The following RSRP1 variants were observed in gnomAD, a reference collection of about 807,000 sequenced individuals.
RSRP1 encodes arginine and serine rich protein 1.
A neutral mutation model predicts 33.0 loss-of-function variants in RSRP1; 37 were observed. The ratio of observed to expected loss-of-function variants is 1.12; its 90% confidence interval spans 0.86 to 1.48. The LOEUF is 1.48. Ranked by LOEUF, RSRP1 falls within the 40% of genes most tolerant of loss-of-function variation. The pLI, the probability that RSRP1 is intolerant of heterozygous loss-of-function variation, is 0.00. For missense variants in RSRP1, 402 were observed against 385.3 expected (o/e 1.04, Z -0.36); for synonymous variants, 167 against 158.7 (o/e 1.05, Z -0.40).
Position 25,286,307 on chromosome 1 carries a change from A to G in RSRP1, c.-66-39278T>C, listed in dbSNP as rs960631203. 7.4e-5 allele frequency among the ~76,000 whole-genome samples: 10 copies of G among 135,552 alleles called. 1 individual carries two copies. The highest frequency in any genetic ancestry group is 2.3e-4 in the African/African-American group (9 of 39,414). The allele number at this position is 135,552 out of a possible 152,430, so 88.9% of individuals were successfully genotyped here. ...AGTTTAAGACCAGCCTGACTAACAC[A>G]GTGAGATCCTGTCTCTGCAGAAAAT... On this transcript the variant is annotated intron_variant, in intron 1 of 1. Transcript: ENST00000561867.
intron 1 of RSRP1, among the ~76,000 whole-genome samples, chr1:25,315,879 T>A (rs1367631162): frequency 7.6e-6 from 1 of 131,576 alleles, no homozygotes; most frequent in Non-Finnish European, 1.8e-5. Flanking sequence ...ACTGTCATTA[T>A]TTCTCCCACT....
intron 1 of RSRP1, among the ~76,000 whole-genome samples, chr1:25,302,189 A>G (rs1290142694): frequency 1.5e-5 from 2 of 131,420 alleles, no homozygotes; most frequent in African/African-American, 5.3e-5. Context: ...GTGCATGTAA[A>G]GTGCTTAACG....
chr1:25,280,723 T>C (rs138442239), intron 1 of RSRP1, among the ~76,000 whole-genome samples: 1,451 of 126,378 alleles, frequency 0.011, 181 homozygotes, highest in African/African-American at 0.036. Context: ...GCCATCCTCC[T>C]ACCTCACCCT....
rs150059028 is a variant in RSRP1, at chr1:25,321,930, G to A, written c.-67+16048C>T. The A allele has an allele frequency of 5.4e-3, 7,260 of 1,338,228 alleles. 1,863 individuals are homozygous for A. The highest frequency in any genetic ancestry group is 0.017 in the Middle Eastern group (92 of 5,420). 82.9% of individuals were successfully genotyped at this position (1,338,228 alleles called of 1,614,324 possible). A position where few individuals can be genotyped will look rare whatever the true frequency, so the allele number is the denominator to read the frequency against. ...TAAAATATGGAAAGCACCTCATGAGGCTAAATATTTTGATGACCAAGTTTT... is the reference window on the plus strand; with the variant it reads ...TAAAATATGGAAAGCACCTCATGAGACTAAATATTTTGATGACCAAGTTTT... On this transcript the variant is annotated intron_variant, in intron 1 of 1. Coordinates refer to the RSRP1 transcript ENST00000561867.
chr1:25,275,859 G>A (rs1640914257), intron 1 of RSRP1, among the ~76,000 whole-genome samples: 2 of 132,040 alleles, frequency 1.5e-5, no homozygotes, highest in South Asian at 2.3e-4. Flanking sequence ...GAATGTGACT[G>A]ACAGCTTGTA....
intron 1 of RSRP1, chr1:25,330,314 A>C (rs2124196028): frequency 7.5e-6 from 1 of 133,194 alleles, no homozygotes; most frequent in South Asian, 2.3e-4. Context: ...TTAGTCACTG[A>C]ACATAGCTAT....
intron 3 of RSRP1, 64 bp downstream of exon 3, chr1:25,245,086 T>C (rs1639237881): frequency 6.2e-7 from 1 of 1,613,596 alleles, no homozygotes; most frequent in Non-Finnish European, 8.5e-7. Flanking sequence ...AAGATATAAG[T>C]GGCTAATCAG....
intron 3 of RSRP1, chr1:25,244,848 TA>T: frequency 9.7e-7 from 1 of 1,026,308 alleles, no homozygotes; most frequent in Non-Finnish European, 1.3e-6. Flanking sequence ...CATGCCTGGC[TA>T]ATTTTTGTAT....
At chr1:25,312,574 T>C (rs1366827861) in intron 1 of RSRP1, among the ~76,000 whole-genome samples, 1 of 129,148 alleles carries the variant, frequency 7.7e-6, no homozygotes, top group Non-Finnish European at 1.8e-5. Flanking sequence ...GTGAGACCTG[T>C]CTCTACAAAA....
Position 25,295,855 on chromosome 1 carries a change from T to TTTG in RSRP1, c.-67+42122_-67+42123insCAA, listed in dbSNP as rs1390426209. On this transcript the variant is annotated intron_variant, in intron 1 of 1. Transcript: ENST00000561867. ...TCTGGGAGGGAATATGGGAAATTTTTTTTTTTTTTTTTTTTTTTTTTTTTG... is the reference window on the plus strand; with the variant it reads ...TCTGGGAGGGAATATGGGAAATTTTTTTGTTTTTTTTTTTTTTTTTTTTTTTTG... Among the ~76,000 whole-genome samples, 7 of 41,606 alleles carry TTTG rather than the reference T, an allele frequency of 1.7e-4. 3 individuals carry two copies. The highest frequency in any genetic ancestry group is 4.1e-4 in the Admixed American group (2 of 4,912). The allele number at this position is 41,606 out of a possible 152,430, so 27.3% of individuals were successfully genotyped here.
chr1:25,258,913 G>A (rs1251969231), intron 1 of RSRP1, among the ~76,000 whole-genome samples: 7 of 152,178 alleles, frequency 4.6e-5, no homozygotes, highest in African/African-American at 1.4e-4. Context: ...TGGAGTCAGA[G>A]AAAATGGAGT....
intron 1 of RSRP1, chr1:25,272,380 C>G (rs1640555384): frequency 2.1e-6 from 2 of 953,060 alleles, no homozygotes; most frequent in East Asian, 5.1e-5. Context: ...CATAGTCCCT[C>G]TGCTTCCGTG....
In RSRP1 at chr1:25,264,395, T is replaced by C. The variant is rs1571546032; in HGVS notation, c.-66-17366A>G. Among the ~76,000 whole-genome samples the C allele has an allele frequency of 2.0e-5, 3 of 151,714 alleles. No individual in the cohort carries two copies. In the East Asian group the frequency reaches 5.9e-4, roughly 30 times the overall value. ...ACCCCAATTCTTGACTTCTGTGCAC[T>C]CGCAGTCTCAACACCACATGGAAGC... On this transcript the variant is annotated intron_variant, in intron 1 of 1. Coordinates refer to the RSRP1 transcript ENST00000561867.
In RSRP1 at chr1:25,284,464, C is replaced by T. The variant is rs1163866083; in HGVS notation, c.-66-37435G>A. 2.2e-5 allele frequency: 23 copies of T among 1,060,924 alleles called. 3 individuals carry two copies. Among genetic ancestry groups the T allele is most frequent in the South Asian group, 3.9e-5 (3 of 76,268 alleles). The allele number at this position is 1,060,924 out of a possible 1,614,324, so 65.7% of individuals were successfully genotyped here. ...AGTAACTTGACCAAATACTTGTAAA[C>T]GATCTTGCATGCCCCTTCCAGCTGC... On this transcript the variant is annotated intron_variant, in intron 1 of 1. Transcript: ENST00000561867.
intron 1 of RSRP1, among the ~76,000 whole-genome samples, chr1:25,274,998 GA>G (rs1476457925): frequency 7.6e-6 from 1 of 131,130 alleles, no homozygotes; most frequent in African/African-American, 2.6e-5. Context: ...AAACAAAGAG[GA>G]GAGCAGGGAC....
At chr1:25,243,675 C>G in intron 3 of RSRP1, 42 bp from the exon 4 acceptor site, 4 of 1,605,780 alleles carry the variant, frequency 2.5e-6, no homozygotes, top group Non-Finnish European at 3.4e-6. Context: ...AACACATACC[C>G]TTGGTTTCTA....
chr1:25,253,400 T>A (rs1639850615), intron 1 of RSRP1: 1 of 152,690 alleles, frequency 6.5e-6, no homozygotes, highest in African/African-American at 2.4e-5. Context: ...GAGATGGAGT[T>A]TCGCTCTTAT....
Position 25,306,640 on chromosome 1 carries a change from G to C in RSRP1, c.-67+31338C>G. The C allele has an allele frequency of 1.5e-6, 2 of 1,378,368 alleles. 1 individual carries two copies. The highest frequency in any genetic ancestry group is 2.0e-6 in the Non-Finnish European group (2 of 978,808). The allele number at this position is 1,378,368 out of a possible 1,614,324, so 85.4% of individuals were successfully genotyped here. A position where few individuals can be genotyped will look rare whatever the true frequency, so the allele number is the denominator to read the frequency against. On this transcript the variant is annotated intron_variant, in intron 1 of 1. Transcript: ENST00000561867. Reference sequence around the variant, plus strand: ...TGGGGATTCCCCACAGCTCCATCATGGGCTACAACTTCAGCTTGCTGGGTC... The same window carrying C: ...TGGGGATTCCCCACAGCTCCATCATCGGCTACAACTTCAGCTTGCTGGGTC...
intron 2 of RSRP1, chr1:25,246,117 C>T: frequency 7.1e-6 from 2 of 283,608 alleles, no homozygotes; most frequent in Non-Finnish European, 1.3e-5. Flanking sequence ...TAAAAGAAGG[C>T]GTGTTTTGAT....
Sources: gnomAD v4.1 joint callset for allele counts (sites outside exome capture counted in the v4.1 genomes callset) on GRCh38, gnomAD v4.1.1 for gene constraint, MANE v1.5 for transcripts, NCBI Gene and HGNC (gene_info 2026-07-23, HGNC 2026-07-21) for gene names.